The following ABI2 variants were observed in gnomAD, a reference collection of about 807,000 sequenced individuals.
ABI2 encodes abl interactor 2.
A neutral mutation model predicts 59.2 loss-of-function variants in ABI2; 25 were observed. That is an observed-to-expected ratio of 0.42 (90% CI 0.31 to 0.59). The LOEUF is 0.59. Among genes scored for constraint, ABI2 ranks in the 20% least tolerant of loss-of-function variants. The pLI is 0.14. For synonymous variants in ABI2, 213 were observed against 235.5 expected (o/e 0.90, Z 0.87); for missense variants, 545 against 681.8 (o/e 0.80, Z 2.23).
Position 203,328,667 on chromosome 2 carries a change from C to A in ABI2, c.117+36C>A, listed in dbSNP as rs1559127919. ...TCCCCAGCTGGGCCGCGTCGGGGAC[C>A]CCCCCGCCGGGGGCCGCGCGCCTCG... On this transcript the variant is annotated intron_variant, in intron 1 of 11. Transcript: ENST00000261018. 2.8e-6 allele frequency: 4 copies of A among 1,434,686 alleles called. No individual in the cohort carries two copies. In the South Asian group the frequency reaches 4.3e-5, roughly 15 times the overall value. The allele number at this position is 1,434,686 out of a possible 1,614,324, so 88.9% of individuals were successfully genotyped here. A position where few individuals can be genotyped will look rare whatever the true frequency, so the allele number is the denominator to read the frequency against.
chr2:203,340,115 C>T (rs1390260554), intron 1 of ABI2, among the ~76,000 whole-genome samples: 1 of 152,078 alleles, frequency 6.6e-6, no homozygotes, highest in African/African-American at 2.4e-5. Flanking sequence ...TGAAATAAGC[C>T]AGGCACAGAA....
At chr2:203,400,866 A>G (rs1412821895) in intron 8 of ABI2, among the ~76,000 whole-genome samples, 2 of 152,228 alleles carry the variant, frequency 1.3e-5, no homozygotes, top group Non-Finnish European at 2.9e-5. Flanking sequence ...ATTAAGGTAG[A>G]ATAAAGATGG....
intron 9 of ABI2, among the ~76,000 whole-genome samples, chr2:203,408,833 C>CTTTTTTTCTTTT (rs2097538505): frequency 1.1e-5 from 1 of 87,204 alleles, no homozygotes; most frequent in Non-Finnish European, 2.4e-5. Context: ...CTTCTCCTTT[C>CTTTTTTTCTTTT]TTTTTTTTTT....
intron 2 of ABI2, chr2:203,367,336 T>TTA: frequency 2.5e-5 from 5 of 203,388 alleles, no homozygotes; most frequent in Non-Finnish European, 4.7e-5. Context: ...TTTTTTTTTT[T>TTA]AAAACAAATT....
At chr2:203,344,712 C>G (rs528144098) in intron 1 of ABI2, among the ~76,000 whole-genome samples, 12 of 152,144 alleles carry the variant, frequency 7.9e-5, no homozygotes, top group Admixed American at 5.9e-4. Flanking sequence ...TGTAAACACA[C>G]CAAACAGTGC....
chr2:203,361,032 G>A (rs779097447), intron 1 of ABI2, among the ~76,000 whole-genome samples: 5 of 152,222 alleles, frequency 3.3e-5, no homozygotes, highest in Non-Finnish European at 4.4e-5. Context: ...CCACAGGTGT[G>A]GCTGATGGCT....
chr2:203,408,833 C>CTTTTTTTTTTTTTTTTTT lies in ABI2; in HGVS notation c.1193-2436_1193-2435insTTTTTTTTTTTTTTTTTT, dbSNP rs1156536730. Among the ~76,000 whole-genome samples the CTTTTTTTTTTTTTTTTTT allele has an allele frequency of 5.8e-4, 51 of 87,208 alleles. 6 individuals carry two copies. Among genetic ancestry groups the CTTTTTTTTTTTTTTTTTT allele is most frequent in the South Asian group, 1.0e-3 (2 of 1,938 alleles). 57.2% of individuals were successfully genotyped at this position (87,208 alleles called of 152,430 possible). On this transcript the variant is annotated intron_variant, in intron 9 of 11. Coordinates refer to ENST00000261018, the MANE Select transcript of ABI2 (RefSeq NM_001375670.1). ...TTTTGTCTATGCTACCTTCTCCTTT[C>CTTTTTTTTTTTTTTTTTT]TTTTTTTTTTTTTTTTGAGACGGAG...
Position 203,366,470 on chromosome 2 carries a change from T to C in ABI2, c.118-407T>C, listed in dbSNP as rs1559232450. On this transcript the variant is annotated intron_variant, in intron 1 of 11. Coordinates refer to ENST00000261018, the MANE Select transcript of ABI2 (RefSeq NM_001375670.1). ...TTATCACTTTAATCAGACATTATGT[T>C]ATGGCCACATTTCACATATTAGAGT... Among the ~76,000 whole-genome samples, 9 of 152,216 alleles carry C rather than the reference T, an allele frequency of 5.9e-5. No individual in the cohort carries two copies. The South Asian group carries it at 1.9e-3, about 32-fold the overall frequency.
intron 1 of ABI2, among the ~76,000 whole-genome samples, chr2:203,359,848 G>A (rs565340790): frequency 6.6e-6 from 1 of 151,866 alleles, no homozygotes; most frequent in Non-Finnish European, 1.5e-5. Flanking sequence ...ACATTTTTGG[G>A]GGGGGGACAC....
At chr2:203,390,505 A>G (rs773756610) in intron 4 of ABI2, among the ~76,000 whole-genome samples, 6 of 151,942 alleles carry the variant, frequency 3.9e-5, no homozygotes, top group Non-Finnish European at 8.8e-5. Flanking sequence ...GGTGGCATGC[A>G]CCTGTAGTAC....
intron 2 of ABI2, among the ~76,000 whole-genome samples, chr2:203,373,525 GACTAA>G (rs1242515936): frequency 6.6e-6 from 1 of 151,988 alleles, no homozygotes; most frequent in Non-Finnish European, 1.5e-5. Flanking sequence ...GGGAGAGGGA[GACTAA>G]ACTAAAATTT....
chr2:203,427,099 A>AGCT (rs2098444633), intron 11 of ABI2, 78 bp from the exon 12 acceptor site: 1 of 1,265,920 alleles, frequency 7.9e-7, no homozygotes, highest in African/African-American at 1.5e-5. Flanking sequence ...GGGAACAGAT[A>AGCT]GCTATTCACT....
At chr2:203,334,766 T>C (rs1364114621) in intron 1 of ABI2, among the ~76,000 whole-genome samples, 2 of 151,818 alleles carry the variant, frequency 1.3e-5, no homozygotes, top group Non-Finnish European at 2.9e-5. Flanking sequence ...GTTCAAGCAA[T>C]TCTCCTGTCT....
chr2:203,359,168 T>C (rs2092942669), intron 1 of ABI2, among the ~76,000 whole-genome samples: 1 of 152,196 alleles, frequency 6.6e-6, no homozygotes. Context: ...AGGCATTTTG[T>C]TTTCCTTTTT....
chr2:203,427,336 T>C lies in ABI2; in HGVS notation c.1613T>C (p.Met538Thr), dbSNP rs772873316. 1 of 1,613,956 alleles carries C rather than the reference T, an allele frequency of 6.2e-7. No homozygotes were observed. The highest frequency in any genetic ancestry group is 8.5e-7 in the Non-Finnish European group (1 of 1,179,940). Residue 538 changes from methionine to threonine, a missense_variant, in exon 12 of 12, where the codon ATG (methionine) becomes ACG (threonine). Physicochemically the swap from Met to Thr is moderately conservative, Grantham distance 81 (BLOSUM62 -1). Around this residue, in one of 4 missense-constraint regions of ABI2, gnomAD observed 44 missense variants for 106.4 expected, o/e 0.41. Transcript: ENST00000261018. Reference sequence around the variant, plus strand: ...CCTGGGAATTACGTTGAGTCTATCATGCATTATTCTGAGTAAAGCTCAGCA... The same window carrying C: ...CCTGGGAATTACGTTGAGTCTATCACGCATTATTCTGAGTAAAGCTCAGCA... ...LFPGNYVESI[M>T]HYSE
At position 203,395,650 on chromosome 2, in the gene ABI2, C is replaced by G; in HGVS notation, c.726-6C>G. The G allele has an allele frequency of 6.2e-7, 1 of 1,605,172 alleles. No homozygotes were observed. Among genetic ancestry groups the G allele is most frequent in the South Asian group, 1.1e-5 (1 of 89,428 alleles). ...ACTCATGTTTTGGTGGCTCTTATTT[C>G]TTTAGCAGCAGTGGGAGTAGTGGAG... is the stretch of plus-strand genomic sequence containing the variant. On this transcript the variant is annotated splice_region_variant and splice_polypyrimidine_tract_variant and intron_variant, in intron 6 of 11. Coordinates refer to ENST00000261018, the MANE Select transcript of ABI2 (RefSeq NM_001375670.1).
At chr2:203,427,033 C>T (rs2098443132) in intron 11 of ABI2, 144 bp from the exon 12 acceptor site, 6 of 631,954 alleles carry the variant, frequency 9.5e-6, no homozygotes, top group South Asian at 2.3e-5. Flanking sequence ...GAAAAAAAAA[C>T]ATGTAAGTTT....
At chr2:203,371,783 G>A (rs184389157) in intron 2 of ABI2, among the ~76,000 whole-genome samples, 17 of 152,002 alleles carry the variant, frequency 1.1e-4, no homozygotes, top group African/African-American at 3.9e-4. Flanking sequence ...ATTATTATAA[G>A]GATGAATGTT....
At chr2:203,334,849 C>T (rs759005120) in intron 1 of ABI2, among the ~76,000 whole-genome samples, 2 of 152,008 alleles carry the variant, frequency 1.3e-5, no homozygotes, top group Admixed American at 1.3e-4. Flanking sequence ...TTAGTAGAGA[C>T]GGGGTTTCAC....
Sources: gnomAD v4.1 joint callset for allele counts (sites outside exome capture counted in the v4.1 genomes callset) on GRCh38, gnomAD v4.1.1 for gene constraint, gnomAD v4.1.1 regional missense constraint, MANE v1.5 for transcripts, NCBI Gene and HGNC (gene_info 2026-07-23, HGNC 2026-07-21) for gene names.